NFYC: variants seen among roughly 807,000 people sequenced by gnomAD.
NFYC encodes the protein CAAT box DNA-binding protein subunit C.
Under a neutral mutation model 53.1 loss-of-function variants are expected in NFYC, and 25 were observed. That is an observed-to-expected ratio of 0.47 (90% CI 0.34 to 0.66). The LOEUF is 0.66. Among genes scored for constraint, NFYC ranks in the 30% least tolerant of loss-of-function variants. The pLI is 0.01. For missense variants in NFYC, 260 were observed against 422.7 expected (o/e 0.62, Z 3.38); for synonymous variants, 145 against 152.6 (o/e 0.95, Z 0.37).
At chr1:40,723,250 GT>G (rs1425275284) in intron 1 of NFYC, 1 of 152,202 alleles carries the variant, frequency 6.6e-6, no homozygotes, top group Non-Finnish European at 1.5e-5. Context: ...GCAAGAGGCT[GT>G]TTGTGAATCT....
chr1:40,729,678 TC>T (rs1262406763), intron 1 of NFYC, among the ~76,000 whole-genome samples: 3 of 151,544 alleles, frequency 2.0e-5, no homozygotes, highest in Non-Finnish European at 4.4e-5. Flanking sequence ...CCATCTCAGC[TC>T]TTTTTTTTTT....
intron 2 of NFYC, among the ~76,000 whole-genome samples, chr1:40,745,744 A>G (rs1645576019): frequency 6.6e-6 from 1 of 152,102 alleles, no homozygotes; most frequent in Admixed American, 6.5e-5. Flanking sequence ...GTCCCTAGCA[A>G]TATGTCCTTC....
chr1:40,758,401 C>T (rs995789303), intron 6 of NFYC, 107 bp downstream of exon 6: 28 of 1,254,024 alleles, frequency 2.2e-5, no homozygotes, highest in Non-Finnish European at 2.9e-5. Flanking sequence ...TTATAGAGCA[C>T]TGGATTTAAA....
intron 3 of NFYC, among the ~76,000 whole-genome samples, chr1:40,748,365 C>T (rs966426761): frequency 6.6e-6 from 1 of 152,026 alleles, no homozygotes; most frequent in Non-Finnish European, 1.5e-5. Flanking sequence ...TCACGAACTC[C>T]TGGGCTCAAG....
At chr1:40,761,360 A>G (rs1398429489) in intron 6 of NFYC, among the ~76,000 whole-genome samples, 1 of 151,940 alleles carries the variant, frequency 6.6e-6, no homozygotes, top group African/African-American at 2.4e-5. Flanking sequence ...GCTGTGTCAC[A>G]CCTCCCTGGA....
At chr1:40,753,321 C>G (rs886859572) in intron 5 of NFYC, 75 bp downstream of exon 5, 2 of 962,180 alleles carry the variant, frequency 2.1e-6, no homozygotes, top group Non-Finnish European at 3.3e-6. Context: ...CGCTCCTTCT[C>G]TCTCAGCACA....
At chr1:40,728,133 C>T (rs112431266) in intron 1 of NFYC, among the ~76,000 whole-genome samples, 11 of 151,976 alleles carry the variant, frequency 7.2e-5, no homozygotes, top group South Asian at 6.2e-4. Flanking sequence ...AGGATGGTCT[C>T]GAACTCCTGA....
chr1:40,748,233 G>A (rs1290680418), intron 3 of NFYC, among the ~76,000 whole-genome samples: 1 of 152,154 alleles, frequency 6.6e-6, no homozygotes, highest in African/African-American at 2.4e-5. Flanking sequence ...CCAGGCTTAA[G>A]TGATCTTCCC....
At chr1:40,706,138 C>T (rs1238213198) in intron 1 of NFYC, among the ~76,000 whole-genome samples, 1 of 151,800 alleles carries the variant, frequency 6.6e-6, no homozygotes, top group African/African-American at 2.4e-5. Flanking sequence ...TGGATGTGCC[C>T]TGAGGTGCTC....
At chr1:40,753,772 T>C (rs1476866093) in intron 5 of NFYC, among the ~76,000 whole-genome samples, 1 of 152,182 alleles carries the variant, frequency 6.6e-6, no homozygotes, top group Admixed American at 6.5e-5. Context: ...CAGAATCTCA[T>C]GATGGAGCCC....
At chr1:40,762,778 C>A in intron 6 of NFYC, 110 bp from the exon 7 acceptor site, 1 of 990,696 alleles carries the variant, frequency 1.0e-6, no homozygotes, top group Non-Finnish European at 1.4e-6. Context: ...TGACCTTAGG[C>A]ATTCATGGAG....
At chr1:40,700,113 C>T (rs908858879) in intron 1 of NFYC, among the ~76,000 whole-genome samples, 3 of 152,048 alleles carry the variant, frequency 2.0e-5, no homozygotes, top group Non-Finnish European at 4.4e-5. Context: ...GCTTGGTAAT[C>T]GTGGGAAAGG....
intron 8 of NFYC, chr1:40,767,212 T>C (rs823680): frequency 0.12 from 58,678 of 494,890 alleles, 3,829 homozygotes; most frequent in African/African-American, 0.15. Flanking sequence ...GGGGGCTGCC[T>C]CCCTGGGCTT....
intron 1 of NFYC, among the ~76,000 whole-genome samples, chr1:40,704,644 A>G (rs1156314405): frequency 6.6e-6 from 1 of 152,212 alleles, no homozygotes; most frequent in Non-Finnish European, 1.5e-5. Flanking sequence ...TTTCCTTGCA[A>G]ACTGCCAAGA....
chr1:40,719,253 G>A (rs1317994372), intron 1 of NFYC, among the ~76,000 whole-genome samples: 1 of 152,206 alleles, frequency 6.6e-6, no homozygotes, highest in Non-Finnish European at 1.5e-5. Context: ...GTGGAACAAA[G>A]GAATTCTGAT....
At chr1:40,730,872 A>C (rs964458347) in intron 1 of NFYC, among the ~76,000 whole-genome samples, 9 of 152,212 alleles carry the variant, frequency 5.9e-5, no homozygotes, top group African/African-American at 1.9e-4. Flanking sequence ...GGGTCTTCAG[A>C]CAATGTTGTT....
Position 40,771,374 on chromosome 1 carries a change from G to T in NFYC, c.*546G>T. 2.1e-6 allele frequency: 1 copy of T among 466,996 alleles called. No homozygotes were observed. Among genetic ancestry groups the T allele is most frequent in the Non-Finnish European group, 4.4e-6 (1 of 225,038 alleles). 28.9% of individuals were successfully genotyped at this position (466,996 alleles called of 1,614,324 possible). ...TCTGACCCCAGAGCTCTGTGTATTT[G>T]CATCCAGAGGCCATGGAAACATTCT... On this transcript the variant is annotated 3_prime_UTR_variant, in exon 10 of 10. Transcript: ENST00000447388.
chr1:40,716,951 G>A (rs1644158252), intron 1 of NFYC, among the ~76,000 whole-genome samples: 1 of 152,110 alleles, frequency 6.6e-6, no homozygotes, highest in Admixed American at 6.6e-5. Flanking sequence ...AGAAATTTAG[G>A]AAGAGCAAGT....
chr1:40,755,324 C>T (rs923350307), intron 5 of NFYC, among the ~76,000 whole-genome samples: 1 of 152,170 alleles, frequency 6.6e-6, no homozygotes, highest in African/African-American at 2.4e-5. Flanking sequence ...TGAGCAAGTG[C>T]CCCATTCTGG....
Sources: gnomAD v4.1 joint callset for allele counts (sites outside exome capture counted in the v4.1 genomes callset) on GRCh38, gnomAD v4.1.1 for gene constraint, MANE v1.5 for transcripts, NCBI Gene and HGNC (gene_info 2026-07-23, HGNC 2026-07-21) for gene names.